CLU: variants seen among roughly 807,000 people sequenced by gnomAD.
The protein encoded by CLU is aging-associated protein 4.
CLU carries 25 observed loss-of-function variants against 46.4 expected under a neutral mutation model. The ratio of observed to expected loss-of-function variants is 0.54; its 90% CI spans 0.39 to 0.75. CLU has a LOEUF of 0.75. CLU is among the 30% of genes least tolerant of loss of function. The probability of loss-of-function intolerance (pLI) is 0.00; values close to 1 mark genes in which losing one functional copy is unlikely to be tolerated. For synonymous variants in CLU, 235 were observed against 235.1 expected (o/e 1.00, Z 0.00); for missense variants, 504 against 592.1 (o/e 0.85, Z 1.54).
intron 6 of CLU, among the ~76,000 whole-genome samples, chr8:27,601,194 G>T (rs1800715142): frequency 6.6e-6 from 1 of 152,206 alleles, no homozygotes; most frequent in Non-Finnish European, 1.5e-5. Flanking sequence ...GATTACAGGT[G>T]CCTGCCACCA....
At chr8:27,610,350 G>A in intron 2 of CLU, 125 bp downstream of exon 2, 1 of 821,646 alleles carries the variant, frequency 1.2e-6, no homozygotes, top group Non-Finnish European at 2.1e-6. Context: ...CCCAGACCCA[G>A]TGCACAAGAT....
At position 27,597,172 on chromosome 8, in the gene CLU, A is replaced by G. The variant is rs1800613658; in HGVS notation, c.*1069T>C. 1 of 454,186 alleles carries G rather than the reference A, an allele frequency of 2.2e-6. No homozygotes were observed. The highest frequency in any genetic ancestry group is 2.0e-5 in the African/African-American group (1 of 50,126). The allele number at this position is 454,186 out of a possible 1,614,324, so 28.1% of individuals were successfully genotyped here. A position where few individuals can be genotyped will look rare whatever the true frequency, so the allele number is the denominator to read the frequency against. On this transcript the variant is annotated 3_prime_UTR_variant, in exon 9 of 9. Coordinates refer to ENST00000316403, the MANE Select transcript of CLU (RefSeq NM_001831.4). ...GACTTAAGAATATTCTAAGCTATAA[A>G]TTTACATGTGGACTTTGCTACACAC...
chr8:27,597,199 T>C lies in CLU; in HGVS notation c.*1042A>G. 1 of 454,332 alleles carries C rather than the reference T, an allele frequency of 2.2e-6. No individual in the cohort carries two copies. The highest frequency in any genetic ancestry group is 1.6e-5 in the South Asian group (1 of 64,474). 28.1% of individuals were successfully genotyped at this position (454,332 alleles called of 1,614,324 possible). On this transcript the variant is annotated 3_prime_UTR_variant, in exon 9 of 9. Transcript: ENST00000316403. ...TTACATGTGGACTTTGCTACACACC[T>C]GGGATGCAGCCAGATGAGTTTTGTT...
intron 2 of CLU, 87 bp from the exon 3 acceptor site, chr8:27,609,173 C>T (rs1017608959): frequency 8.9e-6 from 13 of 1,459,772 alleles, no homozygotes; most frequent in African/African-American, 6.9e-5. Context: ...CAGAAAGGCC[C>T]GTTCAGTTCA....
At chr8:27,610,626 G>A (rs745928460) in intron 1 of CLU, 26 bp from the exon 2 acceptor site, 1 of 1,568,506 alleles carries the variant, frequency 6.4e-7, no homozygotes, top group South Asian at 1.1e-5. Flanking sequence ...GACCATCATG[G>A]GAACAGCTAG....
chr8:27,610,624 T>C (rs185940243), intron 1 of CLU, 24 bp from the exon 2 acceptor site: 4 of 1,573,354 alleles, frequency 2.5e-6, no homozygotes, highest in African/African-American at 2.7e-5. Flanking sequence ...GAGACCATCA[T>C]GGGAACAGCT....
At chr8:27,604,776 G>T in intron 5 of CLU, 148 bp downstream of exon 5, 3 of 965,004 alleles carry the variant, frequency 3.1e-6, no homozygotes, top group Non-Finnish European at 4.7e-6. Flanking sequence ...ACCATGCCCA[G>T]CTCAGTTTTT....
Position 27,605,088 on chromosome 8 carries a change from T to A in CLU, c.665A>T (p.Lys222Met). 1 of 1,613,948 alleles carries A rather than the reference T, an allele frequency of 6.2e-7. No homozygotes were observed. The highest frequency in any genetic ancestry group is 1.6e-4 in the Middle Eastern group (1 of 6,062). ...PHRRPHFFFP[K>M]SRIVRSLMPF... ...CATCAAGCTGCGGACGATGCGGGAC[T>A]TGGGAAAGAAGAAGTGAGGCCTCCG... is the stretch of plus-strand genomic sequence containing the variant. The change falls in exon 5 of 9, where the codon AAG (lysine) becomes ATG (methionine). Residue 222 changes from lysine (K) to methionine (M), a missense_variant. Around this residue, in one of 3 missense-constraint regions of CLU, gnomAD observed 428 missense variants for 484.0 expected, o/e 0.88. Coordinates refer to ENST00000316403, the MANE Select transcript of CLU (RefSeq NM_001831.4).
intron 1 of CLU, 54 bp from the exon 2 acceptor site, chr8:27,610,654 C>T (rs146878138): frequency 2.1e-4 from 297 of 1,409,206 alleles, no homozygotes; most frequent in Non-Finnish European, 2.7e-4. Context: ...GCTGGCGTCC[C>T]GCCCACCTGC....
chr8:27,602,802 C>T (rs1442036153), intron 6 of CLU, among the ~76,000 whole-genome samples: 1 of 152,144 alleles, frequency 6.6e-6, no homozygotes, highest in Admixed American at 6.5e-5. Context: ...CAGTGGCTCA[C>T]ACCTGTAATC....
At chr8:27,598,696 G>A in intron 7 of CLU, 61 bp from the exon 8 acceptor site, 1 of 1,527,788 alleles carries the variant, frequency 6.5e-7, no homozygotes, top group Non-Finnish European at 9.1e-7. Flanking sequence ...CATGCGCTCT[G>A]CAACAGAAGT....
chr8:27,604,538 T>A (rs1800780823), intron 5 of CLU, 143 bp from the exon 6 acceptor site: 1 of 779,470 alleles, frequency 1.3e-6, no homozygotes, highest in South Asian at 1.5e-5. Flanking sequence ...AATGGTGCAA[T>A]CATAGCTCAC....
At chr8:27,611,914 GCCAGA>G in intron 1 of CLU, 1 of 368,456 alleles carries the variant, frequency 2.7e-6, no homozygotes, top group South Asian at 2.0e-5. Context: ...CCTTTGTCAT[GCCAGA>G]GAGACAAAGC....
At chr8:27,605,384 G>A (rs375795797) in intron 4 of CLU, 49 bp from the exon 5 acceptor site, 34 of 1,596,984 alleles carry the variant, frequency 2.1e-5, no homozygotes, top group South Asian at 8.9e-5. Flanking sequence ...CCAAGGCCAC[G>A]GCCTCCTGGC....
chr8:27,614,585 G>A, intron 1 of CLU, 70 bp downstream of exon 1: 2 of 453,660 alleles, frequency 4.4e-6, no homozygotes, highest in South Asian at 3.3e-5. Context: ...CTGCCTGGCT[G>A]CCATCCCCTG....
At chr8:27,609,217 A>G in intron 2 of CLU, 131 bp from the exon 3 acceptor site, 1 of 935,430 alleles carries the variant, frequency 1.1e-6, no homozygotes, top group Non-Finnish European at 1.7e-6. Context: ...CACTCCTGCC[A>G]GCAGGCAGCA....
intron 1 of CLU, chr8:27,613,577 C>G (rs1800966368): frequency 1.3e-5 from 2 of 152,226 alleles, no homozygotes; most frequent in East Asian, 1.9e-4. Context: ...AAAATAATCA[C>G]CGGTAATTCA....
intron 2 of CLU, 79 bp from the exon 3 acceptor site, chr8:27,609,165 G>T: frequency 6.6e-7 from 1 of 1,506,646 alleles, no homozygotes; most frequent in Non-Finnish European, 9.2e-7. Flanking sequence ...TGGATGGCCA[G>T]AAAGGCCCGT....
chr8:27,605,685 G>C (rs1800809849), intron 4 of CLU, among the ~76,000 whole-genome samples: 1 of 152,188 alleles, frequency 6.6e-6, no homozygotes, highest in Admixed American at 6.5e-5. Flanking sequence ...GCAATTCACT[G>C]AGTCCCAATC....
Sources: gnomAD v4.1 joint callset for allele counts (sites outside exome capture counted in the v4.1 genomes callset) on GRCh38, gnomAD v4.1.1 for gene constraint, gnomAD v4.1.1 regional missense constraint, MANE v1.5 for transcripts, NCBI Gene and HGNC (gene_info 2026-07-23, HGNC 2026-07-21) for gene names.